Variants in DGKB observed in about 807,000 individuals in gnomAD.
DGKB encodes the protein diacylglycerol kinase beta.
Under a neutral mutation model 114.3 loss-of-function variants are expected in DGKB, and 67 were observed. The observed-to-expected ratio is 0.59, with a 90% confidence interval of 0.48 to 0.72. DGKB has a LOEUF of 0.72. Among genes scored for constraint, DGKB ranks in the 30% least tolerant of loss-of-function variants. DGKB has a pLI of 0.00. For missense variants in DGKB, 907 were observed against 975.2 expected (o/e 0.93, Z 0.93); for synonymous variants, 398 against 323.1 (o/e 1.23, Z -2.49).
At chr7:14,748,518 T>C (rs1833686376) in intron 4 of DGKB, among the ~76,000 whole-genome samples, 1 of 152,116 alleles carries the variant, frequency 6.6e-6, no homozygotes, top group African/African-American at 2.4e-5. Flanking sequence ...GCTAGAGAAA[T>C]TTCCACTGGA....
chr7:14,279,582 C>T (rs1799585869), intron 23 of DGKB, among the ~76,000 whole-genome samples: 1 of 152,158 alleles, frequency 6.6e-6, no homozygotes, highest in Non-Finnish European at 1.5e-5. Flanking sequence ...AATATTGGCC[C>T]CCACTCTCTT....
chr7:14,302,444 C>T (rs1654278637), intron 23 of DGKB, among the ~76,000 whole-genome samples: 1 of 152,050 alleles, frequency 6.6e-6, no homozygotes, highest in African/African-American at 2.4e-5. Flanking sequence ...GATCATATTA[C>T]TCTGTATTGA....
chr7:14,318,079 C>T (rs1362182743), intron 23 of DGKB, among the ~76,000 whole-genome samples: 5 of 66,682 alleles, frequency 7.5e-5, no homozygotes, highest in South Asian at 7.4e-4. Context: ...AACTGGCTAG[C>T]CATATGTAGA....
At chr7:14,423,025 A>G (rs972685171) in intron 21 of DGKB, among the ~76,000 whole-genome samples, 2 of 151,974 alleles carry the variant, frequency 1.3e-5, no homozygotes, top group Non-Finnish European at 2.9e-5. Context: ...CTGGGACTCA[A>G]ATTACATTCT....
chr7:14,201,894 G>A (rs1490710420), intron 23 of DGKB, among the ~76,000 whole-genome samples: 2 of 151,916 alleles, frequency 1.3e-5, no homozygotes, highest in African/African-American at 4.8e-5. Flanking sequence ...ATAAGCATAC[G>A]TTGAATTAGT....
chr7:14,833,368 ATTTATG>A (rs1387519039), intron 2 of DGKB, among the ~76,000 whole-genome samples: 2 of 149,080 alleles, frequency 1.3e-5, no homozygotes, highest in Non-Finnish European at 3.0e-5. Flanking sequence ...GAAGATATTG[ATTTATG>A]TTTATGTCTT....
intron 23 of DGKB, among the ~76,000 whole-genome samples, chr7:14,313,383 C>T (rs7786778): frequency 0.06 from 9,164 of 151,792 alleles, 909 homozygotes; most frequent in African/African-American, 0.21. Flanking sequence ...CACTAGGGAG[C>T]GCCAGACAGT....
chr7:14,218,369 G>A (rs1053471381), intron 23 of DGKB, among the ~76,000 whole-genome samples: 2 of 152,028 alleles, frequency 1.3e-5, no homozygotes, highest in Non-Finnish European at 2.9e-5. Context: ...TACTCTATTT[G>A]TCTCTACACT....
chr7:14,895,028 T>C lies in DGKB; in HGVS notation c.-188+7564A>G, dbSNP rs73680375. ...CATGATAGCAAAATGACTCATCAGC[T>C]TTTTGTGCTGTTTTTCTATGTGGGA... On this transcript the variant is annotated intron_variant, in intron 1 of 25. Coordinates refer to ENST00000402815, the MANE Select transcript of DGKB (RefSeq NM_001350709.2). Among the ~76,000 whole-genome samples, 613 of 151,714 alleles carry C rather than the reference T, an allele frequency of 4.0e-3. 5 individuals carry two copies. Among genetic ancestry groups the C allele is most frequent in the African/African-American group, 0.014 (580 of 41,488 alleles).
At chr7:14,947,445 T>C (rs1246568986) in intron 1 of DGKB, among the ~76,000 whole-genome samples, 1 of 151,750 alleles carries the variant, frequency 6.6e-6, no homozygotes, top group African/African-American at 2.4e-5. Flanking sequence ...TCCTTAATTT[T>C]TTGAAACATA....
chr7:14,483,602 C>T (rs1783320945), intron 20 of DGKB, among the ~76,000 whole-genome samples: 1 of 152,116 alleles, frequency 6.6e-6, no homozygotes, highest in Non-Finnish European at 1.5e-5. Flanking sequence ...ATATCAGGTC[C>T]TAATCTCTAG....
At chr7:14,713,254 GT>G (rs1827657252) in intron 6 of DGKB, among the ~76,000 whole-genome samples, 2 of 151,754 alleles carry the variant, frequency 1.3e-5, no homozygotes, top group Non-Finnish European at 2.9e-5. Context: ...ACACACTCTG[GT>G]GTTTTGCACT....
intron 1 of DGKB, among the ~76,000 whole-genome samples, chr7:14,963,909 A>C (rs1043288233): frequency 7.9e-5 from 12 of 152,190 alleles, no homozygotes; most frequent in Admixed American, 1.3e-4. Context: ...AGCTGCACAT[A>C]GCACAATTAG....
At chr7:14,709,102 C>T (rs1416886415) in intron 6 of DGKB, among the ~76,000 whole-genome samples, 4 of 148,802 alleles carry the variant, frequency 2.7e-5, no homozygotes, top group Admixed American at 6.7e-5. Flanking sequence ...CTACAATGAA[C>T]TCAAACAAAT....
chr7:14,396,518 C>T (rs894753930), intron 21 of DGKB, among the ~76,000 whole-genome samples: 2 of 152,094 alleles, frequency 1.3e-5, no homozygotes, highest in Non-Finnish European at 2.9e-5. Flanking sequence ...CTCAAGTTCA[C>T]CTCAAAGCTG....
intron 21 of DGKB, among the ~76,000 whole-genome samples, chr7:14,462,080 A>G (rs1438835028): frequency 2.6e-5 from 4 of 152,180 alleles, no homozygotes; most frequent in Non-Finnish European, 4.4e-5. Context: ...AACTCTCAAT[A>G]AACTGGGTAT....
chr7:14,569,200 G>T (rs1411966208), intron 20 of DGKB, among the ~76,000 whole-genome samples: 3 of 152,052 alleles, frequency 2.0e-5, no homozygotes, highest in African/African-American at 7.2e-5. Context: ...TGTGTCCCTG[G>T]GGCAGGAATA....
intron 20 of DGKB, among the ~76,000 whole-genome samples, chr7:14,536,141 G>C (rs967107865): frequency 1.3e-5 from 2 of 152,112 alleles, no homozygotes; most frequent in African/African-American, 4.8e-5. Flanking sequence ...AATGAATAAA[G>C]AGTTCCAATT....
chr7:14,527,040 G>A (rs1252076991), intron 20 of DGKB, among the ~76,000 whole-genome samples: 1 of 152,050 alleles, frequency 6.6e-6, no homozygotes, highest in Non-Finnish European at 1.5e-5. Flanking sequence ...TATATTCAAT[G>A]GTGGTGTAAC....
Sources: allele counts gnomAD v4.1 joint callset (sites outside exome capture counted in the v4.1 genomes callset), GRCh38; gene constraint gnomAD v4.1.1; transcripts MANE v1.5; gene names NCBI Gene and HGNC (gene_info 2026-07-23, HGNC 2026-07-21).